Variants in PRMT8 observed in about 807,000 individuals in gnomAD.
PRMT8 encodes the protein protein arginine N-methyltransferase 8.
A neutral mutation model predicts 47.1 loss-of-function variants in PRMT8; 7 were observed. The ratio of observed to expected loss-of-function variants is 0.15; its 90% CI spans 0.08 to 0.28. The LOEUF (loss-of-function observed/expected upper bound fraction) is 0.28, where lower values mean the gene tolerates loss of function less well. Among genes scored for constraint, PRMT8 ranks in the 10% least tolerant of loss-of-function variants. PRMT8 has a pLI of 1.00. For missense variants in PRMT8, 237 were observed against 505.4 expected, an observed-to-expected ratio of 0.47 and a Z score of 5.09; for synonymous variants, 188 against 186.5, an observed-to-expected ratio of 1.01 and a Z score of -0.07.
In PRMT8 at chr12:3,456,524, A is replaced by G. The variant is rs1469805551; in HGVS notation, c.48+75082A>G. Among the ~76,000 whole-genome samples the G allele has an allele frequency of 6.6e-6, 1 of 152,134 alleles. No homozygotes were observed. The highest frequency in any genetic ancestry group is 1.5e-5 in the Non-Finnish European group (1 of 68,028). On this transcript the variant is annotated intron_variant, in intron 1 of 9. Coordinates refer to the PRMT8 transcript ENST00000452611. The surrounding 1 kb of genome is among the most constrained non-coding windows in gnomAD (Gnocchi z 4.2). ...GAGCACACATTCGGCATCACGAGCG[A>G]TCTGTTGTGCAGCCCGATCATCCCC...
chr12:3,592,674 C>T (rs905962229), intron 9 of PRMT8, among the ~76,000 whole-genome samples: 3 of 152,114 alleles, frequency 2.0e-5, no homozygotes, highest in African/African-American at 7.2e-5. Flanking sequence ...AGGAGATAAG[C>T]TCCTGGTGGC....
At chr12:3,404,382 T>A (rs1224085101) in intron 1 of PRMT8, among the ~76,000 whole-genome samples, 2 of 152,220 alleles carry the variant, frequency 1.3e-5, no homozygotes, top group Non-Finnish European at 2.9e-5. Context: ...GTATTCTAAC[T>A]AAAAAACATA....
At chr12:3,402,536 C>T (rs1460326817) in intron 1 of PRMT8, among the ~76,000 whole-genome samples, 1 of 152,124 alleles carries the variant, frequency 6.6e-6, no homozygotes, top group Non-Finnish European at 1.5e-5. Context: ...GAACAGACAT[C>T]CTACAGAATG....
chr12:3,567,420 G>T (rs1308513427), intron 4 of PRMT8, among the ~76,000 whole-genome samples: 1 of 152,184 alleles, frequency 6.6e-6, no homozygotes, highest in Non-Finnish European at 1.5e-5. Flanking sequence ...AACACTAGAA[G>T]GGCACCCATT....
At chr12:3,477,192 A>G (rs972274997) in intron 1 of PRMT8, among the ~76,000 whole-genome samples, 2 of 152,246 alleles carry the variant, frequency 1.3e-5, no homozygotes, top group Admixed American at 6.5e-5. Context: ...TTTCCTGGTC[A>G]TTCTCCAAAG....
At position 3,550,162 on chromosome 12, in the gene PRMT8, C is replaced by T; in HGVS notation, c.417+71C>T. The T allele has an allele frequency of 6.3e-7, 1 of 1,580,142 alleles. No individual in the cohort carries two copies. Among genetic ancestry groups the T allele is most frequent in the South Asian group, 1.1e-5 (1 of 88,146 alleles). On this transcript the variant is annotated intron_variant, in intron 3 of 9. Coordinates refer to ENST00000382622, the MANE Select transcript of PRMT8 (RefSeq NM_019854.5). The surrounding 1 kb of genome is among the most constrained non-coding windows in gnomAD (Gnocchi z 5.1). ...CCTCTTGCCCTCTGCCTCCACCCGC[C>T]CTTCTAGAAGTACAAAATTTGGTCC...
intron 1 of PRMT8, among the ~76,000 whole-genome samples, chr12:3,434,677 G>A (rs1436882967): frequency 1.3e-5 from 2 of 152,168 alleles, no homozygotes; most frequent in East Asian, 3.9e-4. Context: ...CCAAGGGCAG[G>A]TGTTCCGTGT....
At chr12:3,536,742 C>T (rs1192171703) in intron 1 of PRMT8, among the ~76,000 whole-genome samples, 3 of 152,190 alleles carry the variant, frequency 2.0e-5, no homozygotes, top group Non-Finnish European at 4.4e-5. Flanking sequence ...TGCTTGGACA[C>T]CGGAGTGCAA....
At chr12:3,584,445 T>C (rs1010567531) in intron 8 of PRMT8, among the ~76,000 whole-genome samples, 2 of 152,186 alleles carry the variant, frequency 1.3e-5, no homozygotes, top group African/African-American at 2.4e-5. Flanking sequence ...CTGTCTCAGC[T>C]CAGGGGTTAC....
At chr12:3,565,778 G>A (rs1351484946) in intron 4 of PRMT8, among the ~76,000 whole-genome samples, 2 of 152,196 alleles carry the variant, frequency 1.3e-5, no homozygotes, top group African/African-American at 4.8e-5. Context: ...CTAACACAGA[G>A]AACATGAGCA....
chr12:3,437,622 C>CTACATATATATATATA (rs1555079682), intron 1 of PRMT8, among the ~76,000 whole-genome samples: 3 of 142,820 alleles, frequency 2.1e-5, no homozygotes, highest in African/African-American at 8.1e-5. Context: ...TGCATTCAGG[C>CTACATATATATATATA]TATATATATA....
At chr12:3,449,403 T>A (rs1284963479) in intron 1 of PRMT8, among the ~76,000 whole-genome samples, 1 of 152,202 alleles carries the variant, frequency 6.6e-6, no homozygotes, top group Non-Finnish European at 1.5e-5. Flanking sequence ...CATCTGTAGT[T>A]TCTTGACTTT....
chr12:3,464,674 GAAACA>G (rs1205470767), intron 1 of PRMT8, among the ~76,000 whole-genome samples: 2 of 152,148 alleles, frequency 1.3e-5, no homozygotes, highest in Admixed American at 1.3e-4. Flanking sequence ...CCCCTTAAAA[GAAACA>G]TCTGACAGAC....
rs531308752 is a variant in PRMT8, at chr12:3,579,245, G to A, written c.828+2259G>A. Among the ~76,000 whole-genome samples, 5 of 152,146 alleles carry A rather than the reference G, an allele frequency of 3.3e-5. No individual in the cohort carries two copies. The South Asian group carries it at 1.0e-3, about 32-fold the overall frequency. On this transcript the variant is annotated intron_variant, in intron 7 of 9. Transcript: ENST00000382622. Reference sequence around the variant, plus strand: ...ATCTGCACGTACTGGCTTCAGCTTGGGGATAAAATTCCTTCAATATTCTTG... The same window carrying A: ...ATCTGCACGTACTGGCTTCAGCTTGAGGATAAAATTCCTTCAATATTCTTG...
chr12:3,523,649 G>C (rs1417441337), intron 1 of PRMT8, among the ~76,000 whole-genome samples: 6 of 152,186 alleles, frequency 3.9e-5, no homozygotes, highest in Non-Finnish European at 7.3e-5. Context: ...CGACTGTTAC[G>C]CATGGTCTGC....
chr12:3,468,940 T>C (rs1326076696), intron 1 of PRMT8: 1 of 220,344 alleles, frequency 4.5e-6, no homozygotes, highest in African/African-American at 2.4e-5. Context: ...CTCCAGTCCA[T>C]GCCTCCAAGA....
chr12:3,568,999 T>G, intron 5 of PRMT8, 151 bp downstream of exon 5: 3 of 1,093,790 alleles, frequency 2.7e-6, no homozygotes, highest in African/African-American at 1.6e-5. Context: ...AGCAGATCTG[T>G]ATCAGGGAAC....
rs1867117972 is a variant in PRMT8, at chr12:3,583,837, C to G, written c.979+629C>G. ...CACTCTCCAGCCTCATTCCTCACCA[C>G]CCCTCTTGGCCGAGCCCTGTCCCGT... is the stretch of plus-strand genomic sequence containing the variant. On this transcript the variant is annotated intron_variant, in intron 8 of 9. Coordinates refer to ENST00000382622, the MANE Select transcript of PRMT8 (RefSeq NM_019854.5). The surrounding 1 kb of genome is among the most constrained non-coding windows in gnomAD (Gnocchi z 4.7). 6.6e-6 allele frequency among the ~76,000 whole-genome samples: 1 copy of G among 152,252 alleles called. No individual in the cohort carries two copies. Among genetic ancestry groups the G allele is most frequent in the African/African-American group, 2.4e-5 (1 of 41,472 alleles).
chr12:3,538,540 G>C lies in PRMT8; in HGVS notation c.76-2066G>C, dbSNP rs1382836851. 12 of 488,666 alleles carry C rather than the reference G, an allele frequency of 2.5e-5. No individual in the cohort carries two copies. The highest frequency in any genetic ancestry group is 7.1e-4 in the Middle Eastern group (2 of 2,810). The allele number at this position is 488,666 out of a possible 1,614,324, so 30.3% of individuals were successfully genotyped here. On this transcript the variant is annotated intron_variant, in intron 1 of 9. Coordinates refer to ENST00000382622, the MANE Select transcript of PRMT8 (RefSeq NM_019854.5). This position sits in a 1 kb window ranked among gnomAD's most constrained non-coding sequence, Gnocchi z 4.6. Reference sequence around the variant, plus strand: ...AGTCCCAGGAAGCACATGGAAAAGAGAGCCTTGGAACCAGAGTGGAGTGAC... The same window carrying C: ...AGTCCCAGGAAGCACATGGAAAAGACAGCCTTGGAACCAGAGTGGAGTGAC...
Sources: allele counts gnomAD v4.1 joint callset (sites outside exome capture counted in the v4.1 genomes callset), GRCh38; gene constraint gnomAD v4.1.1; non-coding constraint Gnocchi (gnomAD v3.1); transcripts MANE v1.5; gene names NCBI Gene and HGNC (gene_info 2026-07-23, HGNC 2026-07-21).